Variants in ACER2 observed in about 807,000 individuals in gnomAD.
ACER2 encodes alkaline ceramidase 2.
A neutral mutation model predicts 34.7 loss-of-function variants in ACER2; 26 were observed. That is an observed-to-expected ratio of 0.75 (90% CI 0.55 to 1.04). The LOEUF (loss-of-function observed/expected upper bound fraction) is 1.04, where lower values mean the gene tolerates loss of function less well. ACER2 is among the 50% of genes least tolerant of loss of function. The pLI, the probability that ACER2 is intolerant of heterozygous loss-of-function variation, is 0.00. For synonymous variants in ACER2, 138 were observed against 132.1 expected (o/e 1.04, Z -0.31); for missense variants, 352 against 340.8 (o/e 1.03, Z -0.26).
intron 4 of ACER2, among the ~76,000 whole-genome samples, chr9:19,440,960 A>G (rs1831135716): frequency 6.6e-6 from 1 of 152,038 alleles, no homozygotes; most frequent in Non-Finnish European, 1.5e-5. Flanking sequence ...AAAGGGGAGC[A>G]CCATTTACCC....
intron 4 of ACER2, among the ~76,000 whole-genome samples, chr9:19,439,121 A>C (rs984785337): frequency 6.6e-6 from 1 of 152,238 alleles, no homozygotes; most frequent in African/African-American, 2.4e-5. Flanking sequence ...TACATAAGAA[A>C]TAATTTGTTT....
chr9:19,446,722 G>T (rs572352119), intron 5 of ACER2: 1 of 796,776 alleles, frequency 1.3e-6, no homozygotes, highest in South Asian at 5.8e-5. Flanking sequence ...TGTAACCTGA[G>T]CTCTAGCTAG....
chr9:19,427,666 T>C (rs1287936216), intron 3 of ACER2, among the ~76,000 whole-genome samples: 1 of 129,382 alleles, frequency 7.7e-6, no homozygotes, highest in East Asian at 2.7e-4. Flanking sequence ...TCTTCTCTTC[T>C]CTTTTCTTTC....
At chr9:19,426,506 T>C (rs1362245465) in intron 3 of ACER2, among the ~76,000 whole-genome samples, 2 of 151,898 alleles carry the variant, frequency 1.3e-5, no homozygotes, top group African/African-American at 4.8e-5. Flanking sequence ...GATTGAGAGC[T>C]GAGGAATCGC....
intron 4 of ACER2, among the ~76,000 whole-genome samples, chr9:19,442,632 T>C (rs530432973): frequency 6.6e-6 from 1 of 152,364 alleles, no homozygotes; most frequent in South Asian, 2.1e-4. Flanking sequence ...CACATTGCTC[T>C]CCGTTCTGGT....
intron 4 of ACER2, among the ~76,000 whole-genome samples, chr9:19,443,899 C>T (rs1372458666): frequency 2.0e-5 from 3 of 152,152 alleles, no homozygotes; most frequent in Admixed American, 2.0e-4. Flanking sequence ...TCAAGTGATC[C>T]TCCCACCTTG....
At chr9:19,430,668 T>C (rs776737275) in intron 3 of ACER2, among the ~76,000 whole-genome samples, 1 of 152,100 alleles carries the variant, frequency 6.6e-6, no homozygotes, top group African/African-American at 2.4e-5. Context: ...AAAGAAAGCA[T>C]GTTTTGCAGC....
At chr9:19,447,928 T>A (rs1189621655) in intron 5 of ACER2, among the ~76,000 whole-genome samples, 1 of 151,982 alleles carries the variant, frequency 6.6e-6, no homozygotes, top group African/African-American at 2.4e-5. Context: ...CATTGAGATT[T>A]TATATGTACA....
At chr9:19,440,761 G>A (rs1443052050) in intron 4 of ACER2, among the ~76,000 whole-genome samples, 1 of 152,096 alleles carries the variant, frequency 6.6e-6, no homozygotes, top group Non-Finnish European at 1.5e-5. Context: ...CTCTACATAT[G>A]TGGATGACTC....
rs1056066024 is a variant in ACER2 at position 19,450,274 on chromosome 9, T to C, written c.642-176T>C. On this transcript the variant is annotated intron_variant, in intron 5 of 5. Transcript: ENST00000340967. ...GTCCCAAATTGCTGAAGATTTATCA[T>C]CCTGCTATTCCAGGGATTGTTGGTA... 5.1e-6 allele frequency: 5 copies of C among 985,298 alleles called. No homozygotes were observed. In the African/African-American group the frequency reaches 7.0e-5, roughly 14 times the overall value. 61.0% of individuals were successfully genotyped at this position (985,298 alleles called of 1,614,324 possible). A position where few individuals can be genotyped will look rare whatever the true frequency, so the allele number is the denominator to read the frequency against.
chr9:19,424,611 C>G, intron 2 of ACER2, 89 bp from the exon 3 acceptor site: 3 of 1,561,212 alleles, frequency 1.9e-6, no homozygotes, highest in Non-Finnish European at 2.6e-6. Context: ...ACTGTGTTAA[C>G]CATTGGTGAA....
intron 3 of ACER2, among the ~76,000 whole-genome samples, 181 bp from the exon 4 acceptor site, chr9:19,434,766 T>C (rs532834202): frequency 1.7e-4 from 15 of 87,434 alleles, no homozygotes; most frequent in Admixed American, 1.4e-3. Flanking sequence ...GACCCTCTCT[T>C]TTTTTTTTTA....
intron 3 of ACER2, among the ~76,000 whole-genome samples, chr9:19,429,887 A>T (rs1452521679): frequency 6.6e-6 from 1 of 152,126 alleles, no homozygotes; most frequent in Non-Finnish European, 1.5e-5. Context: ...TGCTGTAACT[A>T]TCAAGGGCTG....
intron 2 of ACER2, 168 bp from the exon 3 acceptor site, chr9:19,424,532 G>C: frequency 2.0e-6 from 2 of 985,400 alleles, no homozygotes; most frequent in Non-Finnish European, 2.4e-6. Context: ...CTAGACTGGA[G>C]GCATGCATGC....
rs1040322476 is a variant in ACER2 at position 19,409,817 on chromosome 9, G to A, written c.108+625G>A. On this transcript the variant is annotated intron_variant, in intron 1 of 5. Coordinates refer to ENST00000340967, the MANE Select transcript of ACER2 (RefSeq NM_001010887.3). ...CCGCTAATTCAACTCCCCCAGGACT[G>A]TGCTTTCTCCAGTTCTGAAGTCTGA... 3 of 985,234 alleles carry A rather than the reference G, an allele frequency of 3.0e-6. No homozygotes were observed. The African/African-American group carries it at 5.2e-5, about 17-fold the overall frequency. The allele number at this position is 985,234 out of a possible 1,614,324, so 61.0% of individuals were successfully genotyped here.
chr9:19,437,926 C>T (rs566238289), intron 4 of ACER2, among the ~76,000 whole-genome samples: 2 of 152,332 alleles, frequency 1.3e-5, no homozygotes, highest in South Asian at 4.1e-4. Context: ...TCATCTTCCT[C>T]TCTGATGTTG....
intron 1 of ACER2, among the ~76,000 whole-genome samples, chr9:19,422,877 C>G (rs1830446407): frequency 6.6e-6 from 1 of 151,582 alleles, no homozygotes; most frequent in Non-Finnish European, 1.5e-5. Flanking sequence ...ACTAAAAATA[C>G]AAAAATTAGC....
chr9:19,423,378 G>A (rs1169675915), intron 1 of ACER2, among the ~76,000 whole-genome samples: 2 of 152,170 alleles, frequency 1.3e-5, no homozygotes, highest in Non-Finnish European at 2.9e-5. Context: ...AAAGCTTTAA[G>A]TTCTCCTGAT....
intron 1 of ACER2, 116 bp downstream of exon 1, chr9:19,409,308 A>C (rs1830012199): frequency 1.0e-6 from 1 of 1,001,308 alleles, no homozygotes; most frequent in Non-Finnish European, 1.5e-6. Context: ...CATTCTCTCC[A>C]GGGGCTGAGT....
Sources: allele counts gnomAD v4.1 joint callset (sites outside exome capture counted in the v4.1 genomes callset), GRCh38; gene constraint gnomAD v4.1.1; transcripts MANE v1.5; gene names NCBI Gene and HGNC (gene_info 2026-07-23, HGNC 2026-07-21).